Variants in HMBOX1 observed in about 807,000 individuals in gnomAD.
The protein encoded by HMBOX1 is homeobox-containing protein 1.
In HMBOX1, 14 loss-of-function variants were observed where a neutral mutation model predicts 54.5. The observed-to-expected ratio is 0.26, with a 90% CI of 0.17 to 0.40. HMBOX1 has a LOEUF of 0.40. HMBOX1 is among the 10% of genes least tolerant of loss of function. The probability of loss-of-function intolerance (pLI) is 1.00; values close to 1 mark genes in which losing one functional copy is unlikely to be tolerated. For missense variants in HMBOX1, 332 were observed against 514.4 expected (o/e 0.65, Z 3.43); for synonymous variants, 160 against 181.0 (o/e 0.88, Z 0.93).
chr8:28,921,306 A>G (rs1051405773), intron 1 of HMBOX1, among the ~76,000 whole-genome samples: 1 of 152,250 alleles, frequency 6.6e-6, no homozygotes, highest in Non-Finnish European at 1.5e-5. Flanking sequence ...ACCGCACTCC[A>G]GCCTGGGCAA....
chr8:28,979,688 T>C (rs1829028554), intron 3 of HMBOX1, among the ~76,000 whole-genome samples: 1 of 152,256 alleles, frequency 6.6e-6, no homozygotes, highest in African/African-American at 2.4e-5. Context: ...AATTTGTTGT[T>C]GTTGCTCTTT....
In HMBOX1 at chr8:28,970,868, G is replaced by A. The variant is rs1827264516; in HGVS notation, c.500+349G>A. ...ATCTGTTGTAAGTACTTTTTCTGAG[G>A]GATAATTTTATCTTGATCAGAATAT... On this transcript the variant is annotated intron_variant, in intron 3 of 9. Coordinates refer to ENST00000287701, the MANE Select transcript of HMBOX1 (RefSeq NM_001135726.3). The surrounding 1 kb of genome is among the most constrained non-coding windows in gnomAD (Gnocchi z 4.3). 6.6e-6 allele frequency among the ~76,000 whole-genome samples: 1 copy of A among 151,488 alleles called. No homozygotes were observed. Among genetic ancestry groups the A allele is most frequent in the South Asian group, 2.1e-4 (1 of 4,792 alleles).
intron 3 of HMBOX1, among the ~76,000 whole-genome samples, chr8:28,979,465 G>A (rs9657275): frequency 0.031 from 4,782 of 152,136 alleles, 237 homozygotes; most frequent in African/African-American, 0.11. Flanking sequence ...TGCCTTTTTA[G>A]TACTAAAACT....
intron 1 of HMBOX1, among the ~76,000 whole-genome samples, chr8:28,926,302 TATAC>T (rs1474828810): frequency 1.2e-4 from 17 of 143,610 alleles, no homozygotes; most frequent in South Asian, 4.4e-4. Flanking sequence ...TATATATATA[TATAC>T]ACACACACAC....
At chr8:28,924,739 A>C (rs1384534967) in intron 1 of HMBOX1, 1 of 152,074 alleles carries the variant, frequency 6.6e-6, no homozygotes, top group African/African-American at 2.4e-5. Context: ...CAGCTTCCTG[A>C]GTAGCTGGGA....
intron 4 of HMBOX1, among the ~76,000 whole-genome samples, chr8:28,990,905 C>T (rs1293683248): frequency 6.6e-5 from 10 of 152,234 alleles, no homozygotes; most frequent in East Asian, 1.9e-4. Context: ...CTGCCCACCT[C>T]GGCCTCCCAA....
At chr8:28,943,455 G>A (rs563329312) in intron 1 of HMBOX1, among the ~76,000 whole-genome samples, 1 of 152,158 alleles carries the variant, frequency 6.6e-6, no homozygotes, top group Non-Finnish European at 1.5e-5. Context: ...CAGATTTCTC[G>A]TCCTCAGCTC....
chr8:28,944,668 T>C (rs1383915440), intron 1 of HMBOX1, among the ~76,000 whole-genome samples: 3 of 152,164 alleles, frequency 2.0e-5, no homozygotes, highest in Admixed American at 6.5e-5. Context: ...GGTGTACAGT[T>C]GTCACTAATC....
intron 1 of HMBOX1, among the ~76,000 whole-genome samples, chr8:28,959,041 A>G (rs1041890094): frequency 2.0e-5 from 3 of 152,182 alleles, no homozygotes; most frequent in Non-Finnish European, 4.4e-5. Context: ...AGATAGTATC[A>G]GACTCTGTGT....
At chr8:28,926,304 T>TATATATATATACACACACACAC (rs796953426) in intron 1 of HMBOX1, among the ~76,000 whole-genome samples, 2 of 142,138 alleles carry the variant, frequency 1.4e-5, no homozygotes, top group African/African-American at 5.3e-5. Context: ...TATATATATA[T>TATATATATATACACACACACAC]ACACACACAC....
chr8:28,944,310 T>A (rs1292468533), intron 1 of HMBOX1, among the ~76,000 whole-genome samples: 1 of 152,208 alleles, frequency 6.6e-6, no homozygotes, highest in Non-Finnish European at 1.5e-5. Flanking sequence ...AGAATTTTAG[T>A]AACTAGGAAC....
chr8:29,049,395 G>T, intron 9 of HMBOX1: 3 of 1,534,228 alleles, frequency 2.0e-6, no homozygotes, highest in Non-Finnish European at 2.6e-6. Flanking sequence ...ATCCAAACAA[G>T]CAAGTTACAC....
At chr8:28,990,019 A>T (rs1273686703) in intron 4 of HMBOX1, among the ~76,000 whole-genome samples, 1 of 152,024 alleles carries the variant, frequency 6.6e-6, no homozygotes, top group African/African-American at 2.4e-5. Context: ...ATCATAGGTC[A>T]GTTGGTTTTA....
chr8:28,899,732 C>G (rs1812849155), intron 1 of HMBOX1, among the ~76,000 whole-genome samples: 1 of 152,168 alleles, frequency 6.6e-6, no homozygotes, highest in Admixed American at 6.5e-5. Context: ...GCTAAAATTT[C>G]CATATCCAAG....
At chr8:29,021,158 T>C (rs1801086270) in intron 6 of HMBOX1, among the ~76,000 whole-genome samples, 1 of 152,118 alleles carries the variant, frequency 6.6e-6, no homozygotes, top group Non-Finnish European at 1.5e-5. Context: ...CTGGGCGACA[T>C]AGTAAGATCC....
chr8:28,948,121 T>C (rs1389588964), intron 1 of HMBOX1, among the ~76,000 whole-genome samples: 1 of 152,204 alleles, frequency 6.6e-6, no homozygotes, highest in Non-Finnish European at 1.5e-5. Flanking sequence ...TATTAAGATT[T>C]TATTTTCTCA....
At position 29,051,018 on chromosome 8, in the gene HMBOX1, G is replaced by T; in HGVS notation, c.1126G>T (p.Asp376Tyr). The change falls in exon 10 of 10, where the codon GAT becomes TAT. Residue 376 changes from aspartate to tyrosine, a missense_variant and splice_region_variant. Asp to Tyr is a radical substitution (Grantham distance 160). Around this residue, in one of 4 missense-constraint regions of HMBOX1, gnomAD observed 69 missense variants for 104.6 expected, o/e 0.66. Coordinates refer to ENST00000287701, the MANE Select transcript of HMBOX1 (RefSeq NM_001135726.3). ...DVDGNDYSEQ[D>Y]DSTSHSDHQD... is the part of the protein sequence containing the mutation. ...ACATTTCTTATTTCTGCACATCTAG[G>T]ATGACAGTACGAGCCATAGTGACCA... The T allele has an allele frequency of 6.2e-7, 1 of 1,610,124 alleles. No individual in the cohort carries two copies. Among genetic ancestry groups the T allele is most frequent in the South Asian group, 1.1e-5 (1 of 90,810 alleles).
intron 4 of HMBOX1, among the ~76,000 whole-genome samples, chr8:29,007,559 C>T (rs1309410094): frequency 6.6e-6 from 1 of 152,152 alleles, no homozygotes; most frequent in African/African-American, 2.4e-5. Context: ...TGGCTTGTGC[C>T]TGTAATCCAG....
At chr8:28,932,814 A>G (rs1268181797) in intron 1 of HMBOX1, among the ~76,000 whole-genome samples, 1 of 152,186 alleles carries the variant, frequency 6.6e-6, no homozygotes, top group East Asian at 1.9e-4. Flanking sequence ...AAGGTGCAAA[A>G]TGGCCTTAAC....
Sources: gnomAD v4.1 joint callset for allele counts (sites outside exome capture counted in the v4.1 genomes callset) on GRCh38, gnomAD v4.1.1 for gene constraint, gnomAD v4.1.1 regional missense constraint, Gnocchi (gnomAD v3.1) non-coding constraint, MANE v1.5 for transcripts, NCBI Gene and HGNC (gene_info 2026-07-23, HGNC 2026-07-21) for gene names.